CCDC137: variants seen among roughly 807,000 people sequenced by gnomAD.
CCDC137 encodes coiled-coil domain containing 137.
A neutral mutation model predicts 30.4 loss-of-function variants in CCDC137; 24 were observed. That is an observed-to-expected ratio of 0.79 (90% confidence interval 0.57 to 1.11). The LOEUF (loss-of-function observed/expected upper bound fraction) is 1.11. Among genes scored for constraint, CCDC137 ranks in the 50% least tolerant of loss-of-function variants. The probability of loss-of-function intolerance (pLI) is 0.00; values close to 1 mark genes in which losing one functional copy is unlikely to be tolerated. For missense variants in CCDC137, 417 were observed against 380.4 expected, an observed-to-expected ratio of 1.10 and a Z score of -0.80; for synonymous variants, 182 against 155.7, an observed-to-expected ratio of 1.17 and a Z score of -1.26.
At chr17:81,667,386 G>A (rs1375179530) in intron 1 of CCDC137, among the ~76,000 whole-genome samples, 1 of 149,974 alleles carries the variant, frequency 6.7e-6, no homozygotes, top group African/African-American at 2.5e-5. Context: ...GGAGTGCAGT[G>A]GCGCGATCTC....
chr17:81,671,991 G>A (rs2036724093), intron 4 of CCDC137, 85 bp from the exon 5 acceptor site: 1 of 1,518,490 alleles, frequency 6.6e-7, no homozygotes, highest in East Asian at 2.3e-5. Flanking sequence ...AGCCCTATGG[G>A]AGGGAGGTGG....
chr17:81,671,279 C>T (rs763830396), intron 3 of CCDC137, among the ~76,000 whole-genome samples: 2 of 152,204 alleles, frequency 1.3e-5, no homozygotes, highest in African/African-American at 4.8e-5. Context: ...TACAGCCTGG[C>T]GCCACGGTGA....
At chr17:81,668,987 G>A (rs2036685962) in intron 2 of CCDC137, among the ~76,000 whole-genome samples, 1 of 151,146 alleles carries the variant, frequency 6.6e-6, no homozygotes, top group Non-Finnish European at 1.5e-5. Flanking sequence ...CAGTTCCAGT[G>A]CAAGCAATTC....
chr17:81,670,220 C>T lies in CCDC137; in HGVS notation c.269-5C>T, dbSNP rs2036700319. The T allele has an allele frequency of 1.2e-6, 2 of 1,612,308 alleles. No individual in the cohort carries two copies. Among genetic ancestry groups the T allele is most frequent in the African/African-American group, 1.3e-5 (1 of 74,902 alleles). On this transcript the variant is annotated splice_region_variant and splice_polypyrimidine_tract_variant and intron_variant, in intron 2 of 5. Transcript: ENST00000329214. ...GCCTCCTCTGAGGCCTCCCTTTGTC[C>T]TCAGCCCAGGTGACCTTCAGAAAGA...
intron 3 of CCDC137, among the ~76,000 whole-genome samples, chr17:81,671,385 G>A (rs118173480): frequency 6.6e-6 from 1 of 152,174 alleles, no homozygotes; most frequent in Admixed American, 6.5e-5. Flanking sequence ...CAGCAGCACC[G>A]GATGGGCTGG....
At position 81,672,636 on chromosome 17, in the gene CCDC137, C is replaced by T. The variant is rs112699648; in HGVS notation, c.802C>T (p.Arg268Trp). Residue 268 changes from arginine (R) to tryptophan (W), a missense_variant, in exon 6 of 6, where the codon CGG (arginine) becomes TGG (tryptophan). By Grantham distance (101) the Arg-to-Trp change is moderately radical. Transcript: ENST00000329214. ...AVQAYRALKQ[R>W]QQQLHGERPH... is the part of the protein sequence containing the mutation. ...GCAGGCCTACAGAGCGTTGAAGCAGCGGCAGCAGCAGCTGCACGGGGAGCG... is the reference window on the plus strand; with the variant it reads ...GCAGGCCTACAGAGCGTTGAAGCAGTGGCAGCAGCAGCTGCACGGGGAGCG... 268 of 1,600,190 alleles carry T rather than the reference C, an allele frequency of 1.7e-4. No individual in the cohort carries two copies. In the Middle Eastern group the frequency reaches 5.0e-3, roughly 30 times the overall value.
chr17:81,671,298 G>C (rs939092064), intron 3 of CCDC137, among the ~76,000 whole-genome samples: 2 of 152,200 alleles, frequency 1.3e-5, no homozygotes, highest in Non-Finnish European at 2.9e-5. Context: ...GATCTCCAGA[G>C]CTGTCGCTGA....
chr17:81,668,668 G>T (rs887660395), intron 2 of CCDC137, among the ~76,000 whole-genome samples: 1 of 152,166 alleles, frequency 6.6e-6, no homozygotes, highest in African/African-American at 2.4e-5. Flanking sequence ...GTTCTGAACC[G>T]TGCTGCATTG....
intron 2 of CCDC137, among the ~76,000 whole-genome samples, chr17:81,669,405 A>G (rs2036691159): frequency 6.6e-6 from 1 of 152,114 alleles, no homozygotes; most frequent in African/African-American, 2.4e-5. Flanking sequence ...TCAGCCTCCC[A>G]AAGTGCTGGG....
At chr17:81,668,688 CTTTG>C (rs142121605) in intron 2 of CCDC137, among the ~76,000 whole-genome samples, 1,828 of 152,120 alleles carry the variant, frequency 0.012, 37 homozygotes, top group African/African-American at 0.042. Context: ...GAATTGGCAC[CTTTG>C]TTTGTTTGTT....
At chr17:81,670,504 A>T (rs752280937) in intron 3 of CCDC137, 51 bp downstream of exon 3, 169 of 1,506,680 alleles carry the variant, frequency 1.1e-4, no homozygotes, top group Admixed American at 2.8e-4. Context: ...CGGAGGGAAG[A>T]CATTGGGTTC....
chr17:81,672,240 C>A, intron 5 of CCDC137, 85 bp downstream of exon 5: 1 of 1,384,996 alleles, frequency 7.2e-7, no homozygotes, highest in South Asian at 1.2e-5. Context: ...CACGGTGGGT[C>A]ACACCTGTAA....
intron 2 of CCDC137, 126 bp from the exon 3 acceptor site, chr17:81,670,099 G>A: frequency 1.4e-6 from 1 of 709,648 alleles, no homozygotes; most frequent in South Asian, 1.9e-5. Context: ...TTCAGCTGCT[G>A]TCGTTGGGGT....
At chr17:81,671,893 C>T (rs1414284466) in intron 4 of CCDC137, 67 bp downstream of exon 4, 1 of 1,566,890 alleles carries the variant, frequency 6.4e-7, no homozygotes. Flanking sequence ...GCCTTCTGTT[C>T]CCCACCAGCC....
In CCDC137 at chr17:81,672,869, G is replaced by C. The variant is rs1172945977; in HGVS notation, c.*165G>C. ...GGTCCACATCTTGCAGGGGGTGAGT[G>C]CCCGATGGACTAGGGCCAAGGCCTG... is the stretch of plus-strand genomic sequence containing the variant. On this transcript the variant is annotated 3_prime_UTR_variant, in exon 6 of 6. Coordinates refer to ENST00000329214, the MANE Select transcript of CCDC137 (RefSeq NM_199287.3). 8 of 675,576 alleles carry C rather than the reference G, an allele frequency of 1.2e-5. No individual in the cohort carries two copies. The East Asian group carries it at 2.2e-4, about 19-fold the overall frequency. The allele number at this position is 675,576 out of a possible 1,614,324, so 41.8% of individuals were successfully genotyped here. A position where few individuals can be genotyped will look rare whatever the true frequency, so the allele number is the denominator to read the frequency against.
chr17:81,667,815 G>A lies in CCDC137; in HGVS notation c.221G>A (p.Arg74His), dbSNP rs748091926. ...PFRLREIMRS[R>H]QEMKNPISNK... ...CGGCTCCGGGAGATTATGAGGAGCC[G>A]CCAAGAGATGAAAAACCCGATCAGT... Residue 74 changes from arginine (R) to histidine (H), a missense_variant, in exon 2 of 6, where the codon CGC becomes CAC. Coordinates refer to ENST00000329214, the MANE Select transcript of CCDC137 (RefSeq NM_199287.3). The A allele has an allele frequency of 1.2e-6, 2 of 1,612,334 alleles. No individual in the cohort carries two copies. Among genetic ancestry groups the A allele is most frequent in the South Asian group, 1.1e-5 (1 of 91,004 alleles).
intron 1 of CCDC137, 60 bp from the exon 2 acceptor site, chr17:81,667,669 T>C: frequency 6.3e-7 from 1 of 1,595,460 alleles, no homozygotes; most frequent in Non-Finnish European, 8.5e-7. Context: ...ATTGTTTCTC[T>C]TACTGATTCT....
chr17:81,671,379 A>G (rs1449399316), intron 3 of CCDC137, among the ~76,000 whole-genome samples: 2 of 152,200 alleles, frequency 1.3e-5, no homozygotes, highest in African/African-American at 4.8e-5. Flanking sequence ...TAGACACAGC[A>G]GCACCGGATG....
At chr17:81,668,425 C>G (rs557295366) in intron 2 of CCDC137, among the ~76,000 whole-genome samples, 1 of 152,268 alleles carries the variant, frequency 6.6e-6, no homozygotes, top group African/African-American at 2.4e-5. Context: ...CCGCTGCAAC[C>G]CAGAGGTAAC....
Sources: allele counts gnomAD v4.1 joint callset (sites outside exome capture counted in the v4.1 genomes callset), GRCh38; gene constraint gnomAD v4.1.1; transcripts MANE v1.5; gene names NCBI Gene and HGNC (gene_info 2026-07-23, HGNC 2026-07-21).